The following FTO variants were observed in gnomAD, a reference collection of about 807,000 sequenced individuals.
FTO encodes the protein alpha-ketoglutarate-dependent dioxygenase FTO.
Under a neutral mutation model 63.9 loss-of-function variants are expected in FTO, and 47 were observed. The observed-to-expected ratio is 0.74, with a 90% CI of 0.58 to 0.94. The LOEUF is 0.94. Among genes scored for constraint, FTO ranks in the 40% least tolerant of loss-of-function variants. The pLI is 0.00. For synonymous variants in FTO, 207 were observed against 224.4 expected (o/e 0.92, Z 0.69); for missense variants, 562 against 618.1 (o/e 0.91, Z 0.96).
chr16:53,747,546 T>C (rs1156725780), intron 1 of FTO, among the ~76,000 whole-genome samples: 1 of 152,158 alleles, frequency 6.6e-6, no homozygotes, highest in East Asian at 1.9e-4. Context: ...AAATTTTTAA[T>C]GTAGAGGTAT....
intron 8 of FTO, among the ~76,000 whole-genome samples, chr16:54,094,628 G>C (rs548952030): frequency 4.6e-5 from 7 of 152,214 alleles, no homozygotes; most frequent in South Asian, 4.1e-4. Context: ...AATCCAGGGA[G>C]GCTTTGGCGT....
At chr16:53,718,920 C>G (rs2075961799) in intron 1 of FTO, among the ~76,000 whole-genome samples, 1 of 152,002 alleles carries the variant, frequency 6.6e-6, no homozygotes, top group Admixed American at 6.5e-5. Context: ...GAGTGGTACT[C>G]CAGGGGTTGA....
chr16:53,892,534 A>G (rs752213383), intron 7 of FTO, among the ~76,000 whole-genome samples: 1 of 152,154 alleles, frequency 6.6e-6, no homozygotes, highest in Non-Finnish European at 1.5e-5. Context: ...TCCAGGGACT[A>G]TCTTACTCAA....
intron 8 of FTO, among the ~76,000 whole-genome samples, chr16:54,099,888 C>T (rs12927155): frequency 0.15 from 22,163 of 152,190 alleles, 1,758 homozygotes; most frequent in Admixed American, 0.19. Flanking sequence ...CGGCCTGAGT[C>T]TGGTTTCCTC....
intron 1 of FTO, among the ~76,000 whole-genome samples, chr16:53,802,889 T>C (rs1296666919): frequency 1.3e-5 from 2 of 152,230 alleles, no homozygotes; most frequent in African/African-American, 4.8e-5. Context: ...CTCTAGAAGC[T>C]TGATTTAACG....
rs539643436 is a variant in FTO at position 53,871,763 on chromosome 16, G to T, written c.896-2023G>T. Among the ~76,000 whole-genome samples the T allele has an allele frequency of 2.0e-5, 3 of 151,110 alleles. No homozygotes were observed. The East Asian group carries it at 5.8e-4, about 29-fold the overall frequency. On this transcript the variant is annotated intron_variant, in intron 4 of 8. Transcript: ENST00000471389. ...AATTTTGAGATGGAGTTTCACTCTC[G>T]TTTCCCAGGCTGCAGTGCAATGGCG...
intron 1 of FTO, among the ~76,000 whole-genome samples, chr16:53,716,269 G>C (rs1352087584): frequency 6.6e-6 from 1 of 152,170 alleles, no homozygotes; most frequent in African/African-American, 2.4e-5. Flanking sequence ...TTTGATCAAT[G>C]ATCACATCTT....
chr16:54,093,633 G>T (rs1326556862), intron 8 of FTO, among the ~76,000 whole-genome samples: 5 of 152,204 alleles, frequency 3.3e-5, no homozygotes, highest in African/African-American at 9.6e-5. Flanking sequence ...CAGGCCTCTT[G>T]TTCCCAGACT....
intron 7 of FTO, among the ~76,000 whole-genome samples, chr16:53,919,057 G>T (rs1009986429): frequency 2.6e-5 from 4 of 152,178 alleles, no homozygotes; most frequent in African/African-American, 9.7e-5. Context: ...TTACGTATAT[G>T]TTAGTTTTGG....
At chr16:53,834,643 A>T (rs1057398759) in intron 3 of FTO, among the ~76,000 whole-genome samples, 68 of 152,314 alleles carry the variant, frequency 4.5e-4, no homozygotes, top group African/African-American at 1.5e-3. Context: ...AGTTTTTATC[A>T]AAATTATTCA....
chr16:54,049,358 A>G (rs1246851362), intron 8 of FTO, among the ~76,000 whole-genome samples: 6 of 152,152 alleles, frequency 3.9e-5, no homozygotes, highest in African/African-American at 1.4e-4. Context: ...GCAAAAAGAG[A>G]TGGCTGCCCG....
chr16:53,918,240 A>G (rs2081928723), intron 7 of FTO, among the ~76,000 whole-genome samples: 1 of 152,194 alleles, frequency 6.6e-6, no homozygotes, highest in Non-Finnish European at 1.5e-5. Flanking sequence ...TTGTGTGAAC[A>G]TCATAGAGTG....
chr16:54,052,070 C>A (rs894046195), intron 8 of FTO, among the ~76,000 whole-genome samples: 1 of 152,184 alleles, frequency 6.6e-6, no homozygotes, highest in Non-Finnish European at 1.5e-5. Flanking sequence ...ATAATAGCAT[C>A]CTGCCTTGAC....
At chr16:53,738,575 G>T (rs1316719552) in intron 1 of FTO, among the ~76,000 whole-genome samples, 7 of 152,126 alleles carry the variant, frequency 4.6e-5, no homozygotes, top group Admixed American at 4.6e-4. Flanking sequence ...GTTTTTGTGT[G>T]GCCATATGTT....
chr16:53,800,652 CT>C (rs141073545), intron 1 of FTO, among the ~76,000 whole-genome samples: 3,782 of 152,068 alleles, frequency 0.025, 157 homozygotes, highest in African/African-American at 0.086. Context: ...GTTTGAAGAC[CT>C]GTTATTAGGT....
chr16:54,034,466 C>A lies in FTO; in HGVS notation c.1365-77296C>A, dbSNP rs577435389. ...GCATGAGTACATTGGAATGAGGAAG[C>A]TTTTATTAGGAAATAATCATTTCCA... is the stretch of plus-strand genomic sequence containing the variant. On this transcript the variant is annotated intron_variant, in intron 8 of 8. Transcript: ENST00000471389. 2.6e-5 allele frequency among the ~76,000 whole-genome samples: 4 copies of A among 152,266 alleles called. No individual in the cohort carries two copies. In the South Asian group the frequency reaches 8.3e-4, roughly 32 times the overall value.
chr16:53,794,751 T>C (rs1325691299), intron 1 of FTO, among the ~76,000 whole-genome samples: 6 of 152,110 alleles, frequency 3.9e-5, no homozygotes, highest in African/African-American at 1.4e-4. Context: ...TGAGGTTTGG[T>C]CCTGGACAGT....
chr16:53,775,287 T>C (rs772417059), intron 1 of FTO, among the ~76,000 whole-genome samples: 26 of 152,172 alleles, frequency 1.7e-4, no homozygotes, highest in Non-Finnish European at 3.4e-4. Flanking sequence ...TTGACTTCCT[T>C]ATTTCTTATA....
At chr16:53,855,415 T>G (rs2079957313) in intron 4 of FTO, among the ~76,000 whole-genome samples, 1 of 152,230 alleles carries the variant, frequency 6.6e-6, no homozygotes, top group Non-Finnish European at 1.5e-5. Context: ...TACCATATTT[T>G]AGATTCTTCC....
Sources: allele counts gnomAD v4.1 joint callset (sites outside exome capture counted in the v4.1 genomes callset), GRCh38; gene constraint gnomAD v4.1.1; transcripts MANE v1.5; gene names NCBI Gene and HGNC (gene_info 2026-07-23, HGNC 2026-07-21).